The following DMD variants were observed in gnomAD, a reference collection of about 807,000 sequenced individuals.
DMD encodes the protein dystrophin, also known as mutant dystrophin.
A neutral mutation model predicts 330.1 loss-of-function variants in DMD; 63 were observed. That is an observed-to-expected ratio of 0.19 (90% confidence interval 0.16 to 0.24). The LOEUF (loss-of-function observed/expected upper bound fraction) is 0.24. Ranked by LOEUF, DMD falls within the 10% of genes least tolerant of loss-of-function variation. DMD has a pLI of 1.00. For missense variants in DMD, 3,344 were observed against 2,684.1 expected (o/e 1.25, Z -5.43); for synonymous variants, 1,223 against 959.8 (o/e 1.27, Z -5.07).
intron 1 of DMD, among the ~76,000 whole-genome samples, chrX:33,119,264 A>G (rs1400618747): frequency 8.9e-6 from 1 of 112,402 alleles, no homozygotes; most frequent in Non-Finnish European, 1.9e-5. Context: ...ACACACACAC[A>G]TATAAAATGA....
At chrX:32,918,107 A>C (rs1460880509) in intron 2 of DMD, among the ~76,000 whole-genome samples, 1 of 111,395 alleles carries the variant, frequency 9.0e-6, no homozygotes, top group African/African-American at 3.3e-5. Flanking sequence ...CTGAAGTCTA[A>C]GACAAAGGTG....
At chrX:31,265,459 G>A (rs371935598) in intron 62 of DMD, among the ~76,000 whole-genome samples, 1 of 111,394 alleles carries the variant, frequency 9.0e-6, no homozygotes, top group Admixed American at 9.5e-5. Flanking sequence ...ATTCTGTCTG[G>A]CTAAAGCCAG....
intron 16 of DMD, among the ~76,000 whole-genome samples, chrX:32,552,823 A>G (rs1169029631): frequency 8.9e-6 from 1 of 112,273 alleles, no homozygotes; most frequent in Non-Finnish European, 1.9e-5. Flanking sequence ...AATGCTGAAC[A>G]TCAATAATCA....
chrX:31,332,272 G>A (rs1234572034), intron 61 of DMD, among the ~76,000 whole-genome samples: 3 of 112,292 alleles, frequency 2.7e-5, no homozygotes, highest in Non-Finnish European at 3.8e-5. Flanking sequence ...ACCCAGGCAT[G>A]CTTCAGTATG....
At chrX:32,335,566 CAT>C (rs2097702848) in intron 41 of DMD, among the ~76,000 whole-genome samples, 1 of 42,582 alleles carries the variant, frequency 2.3e-5, no homozygotes, top group African/African-American at 8.2e-5. Flanking sequence ...TGTTATATAA[CAT>C]GTTATATACA....
intron 20 of DMD, among the ~76,000 whole-genome samples, chrX:32,490,454 C>T (rs952206791): frequency 9.0e-6 from 1 of 111,465 alleles, no homozygotes; most frequent in Admixed American, 9.6e-5. Flanking sequence ...CCACTGTCCG[C>T]TCTTCTCCTG....
chrX:32,413,922 A>G (rs776889022), intron 29 of DMD, among the ~76,000 whole-genome samples: 24 of 108,936 alleles, frequency 2.2e-4, no homozygotes, highest in Non-Finnish European at 4.2e-4. Flanking sequence ...GGTTTCACCA[A>G]TTTGCCCAGG....
chrX:32,229,726 A>ATATATATATATATATATAT (rs1569552140), intron 43 of DMD, among the ~76,000 whole-genome samples: 1 of 81,564 alleles, frequency 1.2e-5, no homozygotes, highest in Non-Finnish European at 2.3e-5. Flanking sequence ...ATATATATAT[A>ATATATATATATATATATAT]AAATCAAAGA....
At chrX:31,818,001 C>G (rs944400304) in intron 50 of DMD, among the ~76,000 whole-genome samples, 1 of 111,670 alleles carries the variant, frequency 9.0e-6, no homozygotes, top group Non-Finnish European at 1.9e-5. Context: ...ATAATACCCT[C>G]ATCCCATCTC....
In DMD at chrX:32,949,391, T is replaced by TAGAC. The variant is rs1185901672; in HGVS notation, c.93+70744_93+70747dup. The stretch of plus-strand genomic sequence containing the variant: ...ATAGATAGATAGATAGATAGATAGA[T>TAGAC]AGACAGACAGACAGACAGACAGACA... On this transcript the variant is annotated intron_variant, in intron 2 of 78. Coordinates refer to ENST00000357033, the MANE Select transcript of DMD (RefSeq NM_004006.3). 5.3e-3 allele frequency among the ~76,000 whole-genome samples: 403 copies of TAGAC among 76,380 alleles called. 4 individuals are homozygous for TAGAC. The highest frequency in any genetic ancestry group is 0.013 in the African/African-American group (263 of 20,579). 66.3% of individuals were successfully genotyped at this position (76,380 alleles called of 115,157 possible).
chrX:32,142,714 A>G (rs1255410660), intron 44 of DMD, among the ~76,000 whole-genome samples: 1 of 112,098 alleles, frequency 8.9e-6, no homozygotes, highest in African/African-American at 3.2e-5. Flanking sequence ...TAAATTCTGA[A>G]CCCCAATAAA....
chrX:32,402,431 C>T (rs2098091301), intron 30 of DMD, among the ~76,000 whole-genome samples: 1 of 111,117 alleles, frequency 9.0e-6, no homozygotes. Flanking sequence ...TCACCACAAT[C>T]CAACTTTAGG....
intron 55 of DMD, among the ~76,000 whole-genome samples, chrX:31,572,604 C>T (rs1265385576): frequency 8.9e-6 from 1 of 112,515 alleles, no homozygotes; most frequent in Non-Finnish European, 1.9e-5. Context: ...ATAAATACCC[C>T]AGCTCCCTTG....
chrX:33,159,275 G>A (rs2048649930), intron 1 of DMD: 1 of 111,679 alleles, frequency 9.0e-6, no homozygotes, highest in African/African-American at 3.3e-5. Flanking sequence ...GGCTTTGCCT[G>A]TTGCAGACCT....
At chrX:33,202,043 G>T (rs2148830826) in intron 1 of DMD, among the ~76,000 whole-genome samples, 1 of 111,936 alleles carries the variant, frequency 8.9e-6, no homozygotes, top group African/African-American at 3.2e-5. Context: ...CTAGAGAATG[G>T]GCATGAGTTA....
At chrX:32,756,672 C>T (rs111726297) in intron 7 of DMD, among the ~76,000 whole-genome samples, 1 of 111,729 alleles carries the variant, frequency 9.0e-6, no homozygotes, top group Non-Finnish European at 1.9e-5. Context: ...CAAGGACAAT[C>T]ACTACTTCAG....
At chrX:31,975,415 C>T (rs1403735614) in intron 44 of DMD, among the ~76,000 whole-genome samples, 1 of 112,045 alleles carries the variant, frequency 8.9e-6, no homozygotes, top group African/African-American at 3.2e-5. Flanking sequence ...CCTTCTAACT[C>T]ATTCATGAGA....
intron 2 of DMD, among the ~76,000 whole-genome samples, chrX:32,940,877 C>A (rs768150506): frequency 3.6e-5 from 4 of 111,045 alleles, no homozygotes; most frequent in African/African-American, 1.3e-4. Context: ...ACCTACGGAA[C>A]GGGAGAAAAT....
chrX:32,873,685 AATG>A (rs755301598), intron 2 of DMD, among the ~76,000 whole-genome samples: 2 of 112,303 alleles, frequency 1.8e-5, no homozygotes, highest in Middle Eastern at 4.6e-3. Context: ...GCAAACATAA[AATG>A]ATAACATTGT....
Sources: allele counts gnomAD v4.1 joint callset (sites outside exome capture counted in the v4.1 genomes callset), GRCh38; gene constraint gnomAD v4.1.1; transcripts MANE v1.5; gene names NCBI Gene and HGNC (gene_info 2026-07-23, HGNC 2026-07-21).